Variants in AFG2A observed in about 807,000 individuals in gnomAD.
AFG2A encodes the protein AAA ATPase AFG2A.
chr4:123,174,442 C>T, the AFG2A span, among the ~76,000 whole-genome samples: 1 of 152,130 alleles, frequency 6.6e-6, no homozygotes, highest in African/African-American at 2.4e-5. Context: ...TTTTGGGGAG[C>T]CTCAGTTAAC....
chr4:122,934,407 A>T, the AFG2A span: 1 of 1,614,248 alleles, frequency 6.2e-7, no homozygotes, highest in East Asian at 2.2e-5. Context: ...TGGATGTTAC[A>T]CAGAGCCCTG....
At chr4:123,070,928 A>T in the AFG2A span, among the ~76,000 whole-genome samples, 1 of 152,080 alleles carries the variant, frequency 6.6e-6, no homozygotes, top group Non-Finnish European at 1.5e-5. Flanking sequence ...ATTACTATAG[A>T]TTTTTATTTT....
the AFG2A span, among the ~76,000 whole-genome samples, chr4:123,072,462 C>G: frequency 2.0e-5 from 3 of 152,042 alleles, no homozygotes; most frequent in African/African-American, 2.4e-5. Context: ...ATGCTGTAAA[C>G]AAATGGTTTA....
At chr4:122,993,513 T>C in the AFG2A span, among the ~76,000 whole-genome samples, 3 of 152,160 alleles carry the variant, frequency 2.0e-5, no homozygotes, top group Non-Finnish European at 2.9e-5. Flanking sequence ...ACCATTGTTA[T>C]AAAGATATTT....
the AFG2A span, among the ~76,000 whole-genome samples, chr4:122,947,895 G>A: frequency 1.3e-5 from 2 of 152,078 alleles, no homozygotes; most frequent in African/African-American, 2.4e-5. Flanking sequence ...GAACTGCATG[G>A]GTCCACTTAT....
chr4:123,279,441 T>G, the AFG2A span, among the ~76,000 whole-genome samples: 1 of 151,724 alleles, frequency 6.6e-6, no homozygotes, highest in Non-Finnish European at 1.5e-5. Context: ...TTTATAGAAC[T>G]AATGTATATA....
At chr4:123,119,787 A>G in the AFG2A span, among the ~76,000 whole-genome samples, 9 of 152,174 alleles carry the variant, frequency 5.9e-5, no homozygotes, top group African/African-American at 1.7e-4. Context: ...GCTAATAAAG[A>G]CATACCTGAG....
chr4:123,135,728 T>C, the AFG2A span, among the ~76,000 whole-genome samples: 1 of 152,216 alleles, frequency 6.6e-6, no homozygotes, highest in African/African-American at 2.4e-5. Context: ...AGGCATAGGT[T>C]ATATGCAAAT....
chr4:123,134,642 A>G, the AFG2A span, among the ~76,000 whole-genome samples: 1 of 149,672 alleles, frequency 6.7e-6, no homozygotes, highest in Admixed American at 6.7e-5. Flanking sequence ...TACTATGAAC[A>G]ATTATATGTC....
At chr4:122,929,301 A>C in the AFG2A span, 6 of 1,346,798 alleles carry the variant, frequency 4.5e-6, no homozygotes, top group Non-Finnish European at 5.9e-6. Flanking sequence ...TTCTTGTAAC[A>C]TTTTAAAAAG....
the AFG2A span, among the ~76,000 whole-genome samples, chr4:123,281,809 T>C: frequency 1.3e-5 from 2 of 152,072 alleles, no homozygotes; most frequent in Non-Finnish European, 2.9e-5. Context: ...GAACCTTAAA[T>C]ATATATGACT....
At chr4:123,219,343 C>T in the AFG2A span, among the ~76,000 whole-genome samples, 1 of 152,312 alleles carries the variant, frequency 6.6e-6, no homozygotes, top group Admixed American at 6.5e-5. Context: ...TAGCTGCTGG[C>T]GGCCATTGGA....
the AFG2A span, among the ~76,000 whole-genome samples, chr4:123,136,819 G>T: frequency 6.7e-6 from 1 of 149,604 alleles, no homozygotes; most frequent in Non-Finnish European, 1.5e-5. Context: ...TCCAGCCTGG[G>T]CAACAAAAGT....
the AFG2A span, among the ~76,000 whole-genome samples, chr4:122,985,165 GA>G: frequency 7.7e-6 from 1 of 129,740 alleles, no homozygotes; most frequent in Non-Finnish European, 1.6e-5. Flanking sequence ...TGCTCTTGTT[GA>G]CCAGACTGGA....
At chr4:123,244,160 A>G in the AFG2A span, among the ~76,000 whole-genome samples, 1 of 152,168 alleles carries the variant, frequency 6.6e-6, no homozygotes, top group Non-Finnish European at 1.5e-5. Flanking sequence ...AGAAAGGTGC[A>G]CTGAACAGCC....
the AFG2A span, among the ~76,000 whole-genome samples, chr4:123,082,846 A>T: frequency 6.6e-6 from 1 of 151,714 alleles, no homozygotes; most frequent in Non-Finnish European, 1.5e-5. Context: ...GTTTTCTTTC[A>T]TTGGTGTTTG....
the AFG2A span, chr4:122,979,177 A>C: frequency 4.4e-6 from 7 of 1,573,040 alleles, no homozygotes; most frequent in East Asian, 1.6e-4. Flanking sequence ...CCATCAATTC[A>C]GTCTGTATTT....
At chr4:122,949,615 A>C in the AFG2A span, among the ~76,000 whole-genome samples, 4 of 152,164 alleles carry the variant, frequency 2.6e-5, no homozygotes, top group Non-Finnish European at 5.9e-5. Context: ...TAGTGGGTAC[A>C]AGAAAGGACA....
At chr4:123,281,947 T>G in the AFG2A span, among the ~76,000 whole-genome samples, 25,622 of 152,134 alleles carry the variant, frequency 0.17, 2,539 homozygotes, top group African/African-American at 0.27. Context: ...AAGGGAGGGA[T>G]GAATAGGCAG....
Sources: gnomAD v4.1 joint callset for allele counts (sites outside exome capture counted in the v4.1 genomes callset) on GRCh38, gnomAD v4.1.1 for gene constraint, MANE v1.5 for transcripts, NCBI Gene and HGNC (gene_info 2026-07-23, HGNC 2026-07-21) for gene names.